The following ADGRL3 variants were observed in gnomAD, a reference collection of about 807,000 sequenced individuals.
The protein encoded by ADGRL3 is calcium-independent alpha-latrotoxin receptor 3.
Under a neutral mutation model 153.5 loss-of-function variants are expected in ADGRL3, and 62 were observed. That is an observed-to-expected ratio of 0.40 (90% CI 0.33 to 0.50). The LOEUF (loss-of-function observed/expected upper bound fraction) is 0.50, where lower values mean the gene tolerates loss of function less well. ADGRL3 is among the 20% of genes least tolerant of loss of function. ADGRL3 has a pLI of 0.47. For missense variants in ADGRL3, 1,641 were observed against 1,859.4 expected, an observed-to-expected ratio of 0.88 and a Z score of 2.16; for synonymous variants, 710 against 672.5, an observed-to-expected ratio of 1.06 and a Z score of -0.86.
chr4:62,000,003 C>G (rs17082520), intron 21 of ADGRL3, among the ~76,000 whole-genome samples: 11,462 of 151,890 alleles, frequency 0.075, 725 homozygotes, highest in African/African-American at 0.17. Context: ...CTATTTGTTC[C>G]TGATGAAATT....
At chr4:61,454,114 C>G (rs1438181361) in intron 2 of ADGRL3, among the ~76,000 whole-genome samples, 2 of 151,964 alleles carry the variant, frequency 1.3e-5, no homozygotes, top group Non-Finnish European at 2.9e-5. Flanking sequence ...ATAAAGGGCT[C>G]AGCACAGTGC....
intron 4 of ADGRL3, among the ~76,000 whole-genome samples, chr4:61,554,101 T>C (rs1367651665): frequency 4.9e-5 from 1 of 20,338 alleles, no homozygotes; most frequent in African/African-American, 2.1e-4. Flanking sequence ...GCTTGGGCCA[T>C]TTTTTTTTTT....
chr4:61,892,750 G>A lies in ADGRL3; in HGVS notation c.1575G>A (p.Pro525=), dbSNP rs145773574. The A allele has an allele frequency of 6.7e-5, 108 of 1,613,774 alleles. No individual in the cohort carries two copies. The Middle Eastern group carries it at 9.9e-4, about 15-fold the overall frequency. The part of the protein sequence containing the change: ...TTLSPGRSTT[P]SVSGRRNRST... ...TGAGCCCAGGAAGGAGTACCACCCCGTCAGTGTCAGGAAGAAGAAACCGGA... is the reference window on the plus strand; with the variant it reads ...TGAGCCCAGGAAGGAGTACCACCCCATCAGTGTCAGGAAGAAGAAACCGGA... Residue 525 remains proline (P), a synonymous_variant, in exon 10 of 27, where the codon CCG becomes CCA. Coordinates refer to ENST00000683033, the MANE Select transcript of ADGRL3 (RefSeq NM_001387552.1).
chr4:61,646,240 C>G (rs1006936918), intron 5 of ADGRL3, among the ~76,000 whole-genome samples: 4 of 152,194 alleles, frequency 2.6e-5, no homozygotes, highest in South Asian at 4.1e-4. Context: ...ATGTCCTCCC[C>G]TAGCTCGGAG....
chr4:61,726,232 CCT>C (rs2096341511), intron 6 of ADGRL3, among the ~76,000 whole-genome samples: 1 of 55,320 alleles, frequency 1.8e-5, no homozygotes. Flanking sequence ...GGAGTCTCAC[CCT>C]GTCGCCCAGG....
At chr4:61,574,165 C>T (rs1392062232) in intron 4 of ADGRL3, among the ~76,000 whole-genome samples, 1 of 151,914 alleles carries the variant, frequency 6.6e-6, no homozygotes, top group African/African-American at 2.4e-5. Flanking sequence ...GCAACTCCAT[C>T]AGACCTAAAC....
At chr4:61,373,820 A>G (rs933739080) in intron 1 of ADGRL3, among the ~76,000 whole-genome samples, 9 of 152,192 alleles carry the variant, frequency 5.9e-5, no homozygotes, top group Non-Finnish European at 1.2e-4. Flanking sequence ...AAAACATTTT[A>G]ATGAACCTTA....
intron 17 of ADGRL3, among the ~76,000 whole-genome samples, chr4:61,962,580 T>C (rs1336668919): frequency 3.3e-5 from 5 of 152,182 alleles, no homozygotes; most frequent in Non-Finnish European, 7.3e-5. Flanking sequence ...TCACAACCTT[T>C]CTTATTTTTT....
At chr4:61,995,308 C>T (rs1013218841) in intron 19 of ADGRL3, among the ~76,000 whole-genome samples, 4 of 151,632 alleles carry the variant, frequency 2.6e-5, no homozygotes, top group East Asian at 3.9e-4. Context: ...TGTATTTATT[C>T]ATTACTTTTT....
chr4:61,605,089 C>CAAAAAAAAAAA (rs71211396), intron 5 of ADGRL3, among the ~76,000 whole-genome samples: 2 of 61,420 alleles, frequency 3.3e-5, no homozygotes, highest in African/African-American at 1.3e-4. Flanking sequence ...GACTCTGTCT[C>CAAAAAAAAAAA]AAAAAAAAAA....
At position 62,072,794 on chromosome 4, in the gene ADGRL3, G is replaced by T. The variant is rs1364563278; in HGVS notation, c.*1886G>T. 1 of 152,088 alleles carries T rather than the reference G, an allele frequency of 6.6e-6. No individual in the cohort carries two copies. Among genetic ancestry groups the T allele is most frequent in the African/African-American group, 2.4e-5 (1 of 41,422 alleles). 9.4% of individuals were successfully genotyped at this position (152,088 alleles called of 1,614,324 possible). ...AATCAGAGATATAAATATGAAATTT[G>T]GGGGCTGGGTGAGTCATATTTTTTC... On this transcript the variant is annotated 3_prime_UTR_variant, in exon 27 of 27. Transcript: ENST00000683033.
chr4:61,321,298 C>A (rs553896951), intron 1 of ADGRL3, among the ~76,000 whole-genome samples: 1 of 152,138 alleles, frequency 6.6e-6, no homozygotes, highest in South Asian at 2.1e-4. Context: ...AGTCAGATCA[C>A]CTAAGTTGGT....
chr4:61,742,029 G>A lies in ADGRL3; in HGVS notation c.1399+8475G>A, dbSNP rs138536252. On this transcript the variant is annotated intron_variant, in intron 8 of 26. Transcript: ENST00000683033. ...ACTGCTCATTAGCATGTCCACCAGA[G>A]GGCAGGCAGGTGGAACTGGAATAGT... 2.0e-3 allele frequency among the ~76,000 whole-genome samples: 308 copies of A among 152,270 alleles called. 2 individuals are homozygous for A. The highest frequency in any genetic ancestry group is 6.9e-3 in the African/African-American group (285 of 41,552).
intron 1 of ADGRL3, among the ~76,000 whole-genome samples, chr4:61,353,600 AT>A (rs34199193): frequency 0.17 from 20,199 of 118,346 alleles, 1,054 homozygotes; most frequent in African/African-American, 0.23. Flanking sequence ...TTTTCTTTCA[AT>A]TTTTTTTTTT....
At chr4:61,347,059 G>A (rs910784236) in intron 1 of ADGRL3, among the ~76,000 whole-genome samples, 4 of 152,154 alleles carry the variant, frequency 2.6e-5, no homozygotes, top group Admixed American at 2.0e-4. Flanking sequence ...AGAGCTTCTT[G>A]TAAGTGTATA....
intron 1 of ADGRL3, among the ~76,000 whole-genome samples, chr4:61,250,658 A>G (rs912679701): frequency 9.2e-5 from 14 of 152,218 alleles, no homozygotes; most frequent in African/African-American, 2.9e-4. Context: ...ATACTTATAC[A>G]TTAGTACATT....
chr4:61,653,525 G>A (rs973971059), intron 5 of ADGRL3, among the ~76,000 whole-genome samples: 3 of 152,052 alleles, frequency 2.0e-5, no homozygotes, highest in Non-Finnish European at 4.4e-5. Flanking sequence ...TCTTTTAATG[G>A]AAAAGTCCAG....
rs115489170 is a variant in ADGRL3, at chr4:61,960,468, C to T, written c.2805+12192C>T. On this transcript the variant is annotated intron_variant, in intron 17 of 26. Transcript: ENST00000683033. ...CCGGAGGGTCTAGAACAGAAGACTT[C>T]GTAGGACATAGGAAGGACTCTGGGT... 6.6e-3 allele frequency among the ~76,000 whole-genome samples: 1,009 copies of T among 152,184 alleles called. 15 individuals are homozygous for T. Among genetic ancestry groups the T allele is most frequent in the African/African-American group, 0.023 (961 of 41,514 alleles).
rs2097218162 is a variant in ADGRL3, at chr4:61,422,472, A to T, written c.-174+39283A>T. Among the ~76,000 whole-genome samples the T allele has an allele frequency of 2.0e-5, 3 of 152,304 alleles. No homozygotes were observed. In the South Asian group the frequency reaches 6.2e-4, roughly 32 times the overall value. ...AAACATGCCATGTTTATGCATACAC[A>T]CAGATATGGAAAAGTAGAAGAGTTA... On this transcript the variant is annotated intron_variant, in intron 2 of 26. Coordinates refer to ENST00000683033, the MANE Select transcript of ADGRL3 (RefSeq NM_001387552.1).
Sources: gnomAD v4.1 joint callset for allele counts (sites outside exome capture counted in the v4.1 genomes callset) on GRCh38, gnomAD v4.1.1 for gene constraint, MANE v1.5 for transcripts, NCBI Gene and HGNC (gene_info 2026-07-23, HGNC 2026-07-21) for gene names.